SLC10A1: variants seen among roughly 807,000 people sequenced by gnomAD.
SLC10A1 encodes the protein solute carrier family 10 member 1.
Under a neutral mutation model 20.5 loss-of-function variants are expected in SLC10A1, and 36 were observed. The observed-to-expected ratio is 1.75, with a 90% CI of 1.34 to 2.32. The LOEUF (loss-of-function observed/expected upper bound fraction) is 2.32. Ranked by LOEUF, SLC10A1 falls within the 30% of genes most tolerant of loss-of-function variation. The pLI is 0.00. For missense variants in SLC10A1, 545 were observed against 439.1 expected (o/e 1.24, Z -2.16); for synonymous variants, 188 against 163.6 (o/e 1.15, Z -1.14).
chr14:69,780,866 A>G (rs1209162290), intron 2 of SLC10A1, among the ~76,000 whole-genome samples: 1 of 152,194 alleles, frequency 6.6e-6, no homozygotes, highest in African/African-American at 2.4e-5. Flanking sequence ...CCAACAGTCA[A>G]ATAATTTTTA....
rs202166288 is a variant in SLC10A1, at chr14:69,779,219, C to G, written c.709G>C (p.Gly237Arg). Residue 237 changes from glycine to arginine, a missense_variant, in exon 3 of 5, where the codon GGT becomes CGT. Transcript: ENST00000216540. Reference sequence around the variant, plus strand: ...CAGAAGAGAGCAGAGAGAACATAACCCAGCAGAAAGCCAATAAAAGGCATC... The same window carrying G: ...CAGAAGAGAGCAGAGAGAACATAACGCAGCAGAAAGCCAATAAAAGGCATC... Reference protein sequence around the residue: ...SLMPFIGFLLGYVLSALFCLN... With the variant: ...SLMPFIGFLLRYVLSALFCLN... 16 of 1,613,328 alleles carry G rather than the reference C, an allele frequency of 9.9e-6. No homozygotes were observed. The highest frequency in any genetic ancestry group is 2.2e-5 in the East Asian group (1 of 44,888).
At position 69,786,200 on chromosome 14, in the gene SLC10A1, G is replaced by GGC; in HGVS notation, c.462_463dup (p.Pro155ArgfsTer7). Reference sequence around the variant, plus strand: ...CAGTGATATCACGATGCCTTTATAGGGCACCTTGTCCTTCAGGTCCCCATC... The same window carrying GGC: ...CAGTGATATCACGATGCCTTTATAGGGCGCACCTTGTCCTTCAGGTCCCCATC... On this transcript the variant is annotated frameshift_variant, in exon 2 of 5. Coordinates refer to ENST00000216540, the MANE Select transcript of SLC10A1 (RefSeq NM_003049.4). LOFTEE classifies it high-confidence loss of function. 6.2e-7 allele frequency: 1 copy of GGC among 1,613,944 alleles called. No individual in the cohort carries two copies. The highest frequency in any genetic ancestry group is 8.5e-7 in the Non-Finnish European group (1 of 1,179,974).
At position 69,796,939 on chromosome 14, in the gene SLC10A1, G is replaced by T. The variant is rs763683476; in HGVS notation, c.217C>A (p.Pro73Thr). ...IALVAQYGIM[P>T]LTAFVLGKVF... ...TTGCCCAGCACAAAGGCCGTGAGGGGCATGATGCCATACTGTGCCACCAGG... is the reference window on the plus strand; with the variant it reads ...TTGCCCAGCACAAAGGCCGTGAGGGTCATGATGCCATACTGTGCCACCAGG... Residue 73 changes from proline (P) to threonine (T), a missense_variant, in exon 1 of 5, where the codon CCC becomes ACC. Coordinates refer to ENST00000216540, the MANE Select transcript of SLC10A1 (RefSeq NM_003049.4). The T allele has an allele frequency of 1.2e-6, 2 of 1,614,096 alleles. No homozygotes were observed. The highest frequency in any genetic ancestry group is 1.7e-6 in the Non-Finnish European group (2 of 1,180,028).
chr14:69,779,226 A>C lies in SLC10A1; in HGVS notation c.702T>G (p.Phe234Leu), dbSNP rs139931299. The change falls in exon 3 of 5, where the codon TTT (phenylalanine) becomes TTG (leucine). Residue 234 changes from phenylalanine (F) to leucine (L), a missense_variant. By Grantham distance (22) the Phe-to-Leu change is conservative. Transcript: ENST00000216540. ...ATSSLMPFIG[F>L]LLGYVLSALF... ...GAGCAGAGAGAACATAACCCAGCAG[A>C]AAGCCAATAAAAGGCATCAGGGAGG... 1.2e-4 allele frequency: 188 copies of C among 1,613,790 alleles called. 1 individual carries two copies. In the African/African-American group the frequency reaches 2.1e-3, roughly 18 times the overall value.
chr14:69,781,751 T>G (rs931518296), intron 2 of SLC10A1, among the ~76,000 whole-genome samples: 1 of 152,250 alleles, frequency 6.6e-6, no homozygotes, highest in African/African-American at 2.4e-5. Context: ...TTTAGCCACA[T>G]AGCCTTTGGA....
intron 4 of SLC10A1, 41 bp from the exon 5 acceptor site, chr14:69,776,429 A>C (rs201053766): frequency 2.7e-6 from 4 of 1,480,018 alleles, no homozygotes; most frequent in Admixed American, 3.4e-5. Context: ...AGAGAGAACA[A>C]GAGGAGTGAA....
At chr14:69,796,037 G>C (rs1882380571) in intron 1 of SLC10A1, among the ~76,000 whole-genome samples, 1 of 152,190 alleles carries the variant, frequency 6.6e-6, no homozygotes, top group Admixed American at 6.5e-5. Context: ...TTCAAGACTA[G>C]AGTCTCCCCA....
rs1206516615 is a variant in SLC10A1, at chr14:69,775,850, A to G, written c.*432T>C. 1 of 154,772 alleles carries G rather than the reference A, an allele frequency of 6.5e-6. No homozygotes were observed. The highest frequency in any genetic ancestry group is 6.5e-5 in the Admixed American group (1 of 15,474). The allele number at this position is 154,772 out of a possible 1,614,324, so 9.6% of individuals were successfully genotyped here. Reference sequence around the variant, plus strand: ...TGAACTTTTTAGGTTAGAACTTCTGAAGTTTAATTCTACAGCACTTGTGAG... The same window carrying G: ...TGAACTTTTTAGGTTAGAACTTCTGGAGTTTAATTCTACAGCACTTGTGAG... On this transcript the variant is annotated 3_prime_UTR_variant, in exon 5 of 5. Coordinates refer to ENST00000216540, the MANE Select transcript of SLC10A1 (RefSeq NM_003049.4).
intron 1 of SLC10A1, among the ~76,000 whole-genome samples, chr14:69,789,766 A>G (rs998325954): frequency 7.9e-5 from 12 of 152,318 alleles, no homozygotes; most frequent in African/African-American, 2.9e-4. Context: ...GGCAATTTAT[A>G]GCCTAACATA....
intron 1 of SLC10A1, among the ~76,000 whole-genome samples, chr14:69,792,533 CTG>C (rs1468187151): frequency 2.6e-5 from 4 of 152,128 alleles, no homozygotes; most frequent in Admixed American, 2.0e-4. Flanking sequence ...ATTAAAAAGT[CTG>C]ACAATTCCAA....
In SLC10A1 at chr14:69,778,377, A is replaced by G. The variant is rs200505958; in HGVS notation, c.899T>C (p.Leu300Pro). ...MIFQLGEGLLLIAIFWCYEKF... is the reference protein window; with the variant it reads ...MIFQLGEGLLPIAIFWCYEKF... ...CTCATAGCACCAAAATATGGCAATG[A>G]GGAGAAGCCCTTCTCCAAGCTGGAA... Residue 300 changes from leucine to proline, a missense_variant, in exon 4 of 5, where the codon CTC becomes CCC. Coordinates refer to ENST00000216540, the MANE Select transcript of SLC10A1 (RefSeq NM_003049.4). The G allele has an allele frequency of 1.9e-6, 3 of 1,612,858 alleles. No individual in the cohort carries two copies. In the South Asian group the frequency reaches 3.3e-5, roughly 18 times the overall value.
rs752881267 is a variant in SLC10A1, at chr14:69,778,442, G to C, written c.834C>G (p.Val278=). The C allele has an allele frequency of 6.8e-6, 11 of 1,614,082 alleles. No individual in the cohort carries two copies. The highest frequency in any genetic ancestry group is 7.6e-6 in the Non-Finnish European group (9 of 1,179,990). Residue 278 remains valine (V), a synonymous_variant, in exon 4 of 5, where the codon GTC becomes GTG. Coordinates refer to ENST00000216540, the MANE Select transcript of SLC10A1 (RefSeq NM_003049.4). ...TILNVAFPPE[V]IGPLFFFPLL... ...GGGGAAAGAAGAAAAGTGGTCCAATGACTTCAGGTGGAAAGGCCACATTGA... is the reference window on the plus strand; with the variant it reads ...GGGGAAAGAAGAAAAGTGGTCCAATCACTTCAGGTGGAAAGGCCACATTGA...
chr14:69,783,637 A>G (rs1272697314), intron 2 of SLC10A1, among the ~76,000 whole-genome samples: 1 of 152,232 alleles, frequency 6.6e-6, no homozygotes, highest in African/African-American at 2.4e-5. Flanking sequence ...AGTTTAAACT[A>G]TCCTAGGGGG....
intron 1 of SLC10A1, among the ~76,000 whole-genome samples, chr14:69,792,215 C>T (rs552469527): frequency 2.6e-5 from 4 of 152,070 alleles, no homozygotes; most frequent in African/African-American, 7.2e-5. Context: ...AAAACATAAA[C>T]CACAAAGGAA....
Position 69,776,361 on chromosome 14 carries a change from G to A in SLC10A1, c.971C>T (p.Ala324Val), listed in dbSNP as rs1263919219. Residue 324 changes from alanine (A) to valine (V), a missense_variant, in exon 5 of 5, where the codon GCC becomes GTC. Physicochemically the swap from Ala to Val is moderately conservative, Grantham distance 64. Transcript: ENST00000216540. Reference protein sequence around the residue: ...KDKTKMIYTAATTEETIPGAL... With the variant: ...KDKTKMIYTAVTTEETIPGAL... ...TCCTGGAATTGTTTCTTCAGTTGTG[G>A]CAGCTGTGTAGATCATTTTTGTTTT... 1 of 1,614,002 alleles carries A rather than the reference G, an allele frequency of 6.2e-7. No individual in the cohort carries two copies. Among genetic ancestry groups the A allele is most frequent in the Non-Finnish European group, 8.5e-7 (1 of 1,179,988 alleles).
intron 1 of SLC10A1, among the ~76,000 whole-genome samples, chr14:69,788,045 C>T (rs956734618): frequency 2.0e-5 from 3 of 151,846 alleles, no homozygotes; most frequent in Non-Finnish European, 4.4e-5. Flanking sequence ...AAGGTGCCCA[C>T]GGACAAGAAA....
intron 1 of SLC10A1, among the ~76,000 whole-genome samples, chr14:69,792,867 T>C (rs1433035628): frequency 6.7e-6 from 1 of 150,094 alleles, no homozygotes; most frequent in African/African-American, 2.4e-5. Context: ...TGTTAGGTGA[T>C]GTGGACAGTA....
At chr14:69,784,474 G>C (rs1255413403) in intron 2 of SLC10A1, among the ~76,000 whole-genome samples, 1 of 152,096 alleles carries the variant, frequency 6.6e-6, no homozygotes, top group Non-Finnish European at 1.5e-5. Flanking sequence ...GAGAGCTCTG[G>C]CGGTGGCATG....
intron 4 of SLC10A1, among the ~76,000 whole-genome samples, chr14:69,777,469 AT>A (rs1336168434): frequency 6.6e-6 from 1 of 152,094 alleles, no homozygotes; most frequent in Non-Finnish European, 1.5e-5. Context: ...GGGGACTTCA[AT>A]TCATGGACAT....
Sources: allele counts gnomAD v4.1 joint callset (sites outside exome capture counted in the v4.1 genomes callset), GRCh38; gene constraint gnomAD v4.1.1; transcripts MANE v1.5; gene names NCBI Gene and HGNC (gene_info 2026-07-23, HGNC 2026-07-21).